Variants in FHIT observed in about 807,000 individuals in gnomAD.
FHIT encodes bis(5'-adenosyl)-triphosphatase.
Under a neutral mutation model 17.9 loss-of-function variants are expected in FHIT, and 19 were observed. The ratio of observed to expected loss-of-function variants is 1.06; its 90% CI spans 0.74 to 1.56. FHIT has a LOEUF of 1.56. Ranked by LOEUF, FHIT falls within the 40% of genes most tolerant of loss-of-function variation. The pLI is 0.00. For missense variants in FHIT, 248 were observed against 189.2 expected, an observed-to-expected ratio of 1.31 and a Z score of -1.82; for synonymous variants, 81 against 69.7, an observed-to-expected ratio of 1.16 and a Z score of -0.81.
intron 4 of FHIT, among the ~76,000 whole-genome samples, chr3:60,663,343 C>T (rs1046862175): frequency 1.2e-4 from 18 of 151,410 alleles, no homozygotes; most frequent in Non-Finnish European, 2.2e-4. Context: ...CATGCTGAGC[C>T]TTCCAAGTCT....
At chr3:60,485,895 A>G (rs1044462049) in intron 5 of FHIT, among the ~76,000 whole-genome samples, 10 of 152,032 alleles carry the variant, frequency 6.6e-5, no homozygotes, top group African/African-American at 2.2e-4. Context: ...ACCTATAATT[A>G]CTAATTACTA....
At chr3:60,066,095 A>G (rs1272543318) in intron 5 of FHIT, among the ~76,000 whole-genome samples, 4 of 152,244 alleles carry the variant, frequency 2.6e-5, no homozygotes, top group Non-Finnish European at 5.9e-5. Flanking sequence ...AGAAAATGAT[A>G]GAAGTCCTTT....
chr3:60,584,448 G>A (rs1553660974), intron 4 of FHIT, among the ~76,000 whole-genome samples: 1 of 151,862 alleles, frequency 6.6e-6, no homozygotes, highest in African/African-American at 2.4e-5. Context: ...GTGGGTTCAG[G>A]GAAAGGAAAG....
intron 3 of FHIT, among the ~76,000 whole-genome samples, chr3:60,929,713 C>G (rs190739793): frequency 7.9e-5 from 12 of 152,212 alleles, no homozygotes; most frequent in Non-Finnish European, 1.3e-4. Flanking sequence ...AAATAAAAGA[C>G]GATACAAACA....
In FHIT at chr3:60,807,503, G is replaced by A. The variant is rs1002733554; in HGVS notation, c.-18+14416C>T. ...ACTTATGAAGCTGAGGTGGGAGGAC[G>A]CCAGAGCCCGGGAGGTAGAGGCTAC... On this transcript the variant is annotated intron_variant, in intron 4 of 9. Coordinates refer to ENST00000492590, the MANE Select transcript of FHIT (RefSeq NM_002012.4). 5.3e-5 allele frequency among the ~76,000 whole-genome samples: 8 copies of A among 152,108 alleles called. No homozygotes were observed. The East Asian group carries it at 5.8e-4, about 11-fold the overall frequency.
At chr3:59,976,028 T>G (rs1324478361) in intron 7 of FHIT, among the ~76,000 whole-genome samples, 1 of 152,112 alleles carries the variant, frequency 6.6e-6, no homozygotes, top group African/African-American at 2.4e-5. Context: ...CAGACACAAC[T>G]CAATCACTTA....
intron 7 of FHIT, among the ~76,000 whole-genome samples, chr3:59,956,793 C>T (rs1707424470): frequency 6.6e-6 from 1 of 152,168 alleles, no homozygotes; most frequent in Non-Finnish European, 1.5e-5. Flanking sequence ...ATGTGTGAAG[C>T]ACTGAAACTA....
intron 7 of FHIT, among the ~76,000 whole-genome samples, chr3:59,987,113 T>C (rs1210186460): frequency 7.2e-6 from 1 of 138,896 alleles, no homozygotes; most frequent in Non-Finnish European, 1.6e-5. Flanking sequence ...AAAATCTATA[T>C]ATTTTATATA....
intron 5 of FHIT, chr3:60,077,381 A>C (rs1415571251): frequency 6.6e-6 from 1 of 152,028 alleles, no homozygotes; most frequent in Non-Finnish European, 1.5e-5. Flanking sequence ...TGATGTCCAG[A>C]TCTTGGTTTC....
At chr3:60,156,126 G>A (rs1700677958) in intron 5 of FHIT, among the ~76,000 whole-genome samples, 1 of 152,068 alleles carries the variant, frequency 6.6e-6, no homozygotes, top group Non-Finnish European at 1.5e-5. Flanking sequence ...GGCCCAGGCT[G>A]GAGGATCATG....
chr3:60,284,518 A>C (rs1012765487), intron 5 of FHIT, among the ~76,000 whole-genome samples: 1 of 152,094 alleles, frequency 6.6e-6, no homozygotes, highest in African/African-American at 2.4e-5. Flanking sequence ...AGTTTTCACT[A>C]TTTTAAGAGA....
chr3:60,070,117 CCA>C, intron 5 of FHIT, among the ~76,000 whole-genome samples: 1 of 152,092 alleles, frequency 6.6e-6, no homozygotes, highest in Non-Finnish European at 1.5e-5. Context: ...AACTTGGTGG[CCA>C]CATCCAAGTC....
Position 60,009,414 on chromosome 3 carries a change from T to C in FHIT, c.279+1957A>G, listed in dbSNP as rs1344487247. Among the ~76,000 whole-genome samples, 2 of 152,196 alleles carry C rather than the reference T, an allele frequency of 1.3e-5. 1 individual carries two copies. The highest frequency in any genetic ancestry group is 4.1e-4 in the South Asian group (2 of 4,832). On this transcript the variant is annotated intron_variant, in intron 7 of 9. Coordinates refer to ENST00000492590, the MANE Select transcript of FHIT (RefSeq NM_002012.4). ...AACTTAAGCTAAATAATCAGGGTGA[T>C]GATAACAATAACCACATTCAACAAT...
chr3:60,525,983 G>C (rs1020760348), intron 5 of FHIT, among the ~76,000 whole-genome samples: 1 of 151,196 alleles, frequency 6.6e-6, no homozygotes, highest in African/African-American at 2.4e-5. Context: ...CACACCTGTA[G>C]TCCCAGCTGT....
chr3:60,048,681 G>C (rs1575974247), intron 5 of FHIT, among the ~76,000 whole-genome samples: 1 of 152,104 alleles, frequency 6.6e-6, no homozygotes, highest in African/African-American at 2.4e-5. Flanking sequence ...CCTTATTTTG[G>C]ATCTTTCCAC....
chr3:60,919,665 T>G (rs1553767846), intron 3 of FHIT, among the ~76,000 whole-genome samples: 1 of 152,170 alleles, frequency 6.6e-6, no homozygotes, highest in Non-Finnish European at 1.5e-5. Flanking sequence ...AAGGCTATTT[T>G]CACATATTTC....
At chr3:59,988,096 A>C (rs542921605) in intron 7 of FHIT, among the ~76,000 whole-genome samples, 1 of 152,034 alleles carries the variant, frequency 6.6e-6, no homozygotes, top group Non-Finnish European at 1.5e-5. Flanking sequence ...TTTCAAGTAA[A>C]AAGTGTGAGT....
At chr3:60,290,105 C>T (rs984113184) in intron 5 of FHIT, among the ~76,000 whole-genome samples, 1 of 152,146 alleles carries the variant, frequency 6.6e-6, no homozygotes, top group African/African-American at 2.4e-5. Flanking sequence ...ACTTTTTAAC[C>T]TCTTATGCTT....
At chr3:60,290,834 A>T (rs1576429225) in intron 5 of FHIT, among the ~76,000 whole-genome samples, 1 of 152,196 alleles carries the variant, frequency 6.6e-6, no homozygotes, top group Non-Finnish European at 1.5e-5. Flanking sequence ...AGAGGGGAAG[A>T]CAGAGGACTT....
Sources: allele counts gnomAD v4.1 joint callset (sites outside exome capture counted in the v4.1 genomes callset), GRCh38; gene constraint gnomAD v4.1.1; transcripts MANE v1.5; gene names NCBI Gene and HGNC (gene_info 2026-07-23, HGNC 2026-07-21).